Variants in PDE11A observed in about 807,000 individuals in gnomAD.
PDE11A encodes the protein phosphodiesterase 11A.
A neutral mutation model predicts 100.5 loss-of-function variants in PDE11A; 100 were observed. That is an observed-to-expected ratio of 1.00 (90% CI 0.85 to 1.18). The LOEUF (loss-of-function observed/expected upper bound fraction) is 1.18. PDE11A is among the 50% of genes most tolerant of loss of function. The probability of loss-of-function intolerance (pLI) is 0.00; values close to 1 mark genes in which losing one functional copy is unlikely to be tolerated. For missense variants in PDE11A, 1,141 were observed against 1,152.6 expected (o/e 0.99, Z 0.15); for synonymous variants, 381 against 420.8 (o/e 0.91, Z 1.16).
At chr2:177,978,956 T>C (rs868447080) in intron 2 of PDE11A, among the ~76,000 whole-genome samples, 4 of 125,442 alleles carry the variant, frequency 3.2e-5, no homozygotes, top group Non-Finnish European at 5.2e-5. Flanking sequence ...AGGGATAGCA[T>C]TGGGAGATAT....
At chr2:177,950,600 G>GT (rs2085494197) in intron 2 of PDE11A, among the ~76,000 whole-genome samples, 1 of 152,214 alleles carries the variant, frequency 6.6e-6, no homozygotes, top group South Asian at 2.1e-4. Context: ...GATATGGGGA[G>GT]TTGTGACATC....
chr2:177,843,842 A>G (rs1483371551), intron 5 of PDE11A, among the ~76,000 whole-genome samples: 1 of 152,220 alleles, frequency 6.6e-6, no homozygotes, highest in Non-Finnish European at 1.5e-5. Flanking sequence ...AGATGTGTTG[A>G]TAAGTTACCA....
At chr2:177,967,200 CTTT>C (rs34293348) in intron 2 of PDE11A, among the ~76,000 whole-genome samples, 20 of 106,194 alleles carry the variant, frequency 1.9e-4, no homozygotes, top group Admixed American at 3.8e-4. Context: ...TCTCCTTTGT[CTTT>C]TTTTTTTTTT....
intron 5 of PDE11A, among the ~76,000 whole-genome samples, chr2:177,873,745 G>C (rs2084184195): frequency 1.3e-5 from 2 of 152,104 alleles, no homozygotes; most frequent in African/African-American, 4.8e-5. Context: ...TTTTAAGAAT[G>C]TCCTGTAAAT....
At chr2:177,820,482 G>T (rs2083121071) in intron 6 of PDE11A, among the ~76,000 whole-genome samples, 187 bp from the exon 7 acceptor site, 1 of 151,644 alleles carries the variant, frequency 6.6e-6, no homozygotes, top group East Asian at 1.9e-4. Context: ...CATCCTAAAG[G>T]AATCAAACCC....
At chr2:177,945,439 C>T (rs1363278158) in intron 2 of PDE11A, among the ~76,000 whole-genome samples, 3 of 139,668 alleles carry the variant, frequency 2.1e-5, no homozygotes, top group Non-Finnish European at 3.2e-5. Context: ...GGCCGCCCAT[C>T]GTCTGAGATG....
intron 15 of PDE11A, among the ~76,000 whole-genome samples, chr2:177,690,288 G>A (rs2081023771): frequency 6.6e-6 from 1 of 152,244 alleles, no homozygotes; most frequent in East Asian, 1.9e-4. Context: ...ATATAATAAT[G>A]TTTGGGATAG....
rs1559071227 is a variant in PDE11A, at chr2:178,098,597, G to C, written c.162+5705C>G. On this transcript the variant is annotated intron_variant, in intron 2 of 20. Transcript: ENST00000358450. ...TGTAGAGGCACATGGATATTCTTTA[G>C]AGTATAAATATGACTATCAAAATTG... is the stretch of plus-strand genomic sequence containing the variant. Among the ~76,000 whole-genome samples, 3 of 152,150 alleles carry C rather than the reference G, an allele frequency of 2.0e-5. 1 individual carries two copies. Among genetic ancestry groups the C allele is most frequent in the Non-Finnish European group, 4.4e-5 (3 of 68,020 alleles).
At chr2:178,049,251 A>T (rs146104024) in intron 1 of PDE11A, among the ~76,000 whole-genome samples, 1 of 152,208 alleles carries the variant, frequency 6.6e-6, no homozygotes, top group Non-Finnish European at 1.5e-5. Context: ...CAGATTTGAG[A>T]TGGTTTTACA....
At chr2:177,765,998 A>G (rs1388599782) in intron 10 of PDE11A, among the ~76,000 whole-genome samples, 2 of 152,082 alleles carry the variant, frequency 1.3e-5, no homozygotes, top group Non-Finnish European at 2.9e-5. Context: ...TTCTTCCCAA[A>G]CTCTGGCTTA....
chr2:177,724,350 A>G (rs1012441590), intron 12 of PDE11A, among the ~76,000 whole-genome samples: 13 of 152,042 alleles, frequency 8.6e-5, no homozygotes, highest in Non-Finnish European at 1.5e-4. Flanking sequence ...TAAAGGAACA[A>G]AACCGCTTTG....
chr2:178,093,301 T>C (rs187642555), intron 2 of PDE11A, among the ~76,000 whole-genome samples: 2 of 152,306 alleles, frequency 1.3e-5, no homozygotes, highest in East Asian at 1.9e-4. Context: ...TTAGAGATCA[T>C]GCAATCCAAT....
chr2:178,087,427 T>C (rs568420459), intron 2 of PDE11A, among the ~76,000 whole-genome samples: 107 of 151,968 alleles, frequency 7.0e-4, no homozygotes, highest in Non-Finnish European at 1.3e-3. Context: ...AATCATATCT[T>C]GTGCAGCAAC....
intron 4 of PDE11A, among the ~76,000 whole-genome samples, chr2:177,885,330 G>T (rs2084413565): frequency 6.6e-6 from 1 of 151,940 alleles, no homozygotes; most frequent in Non-Finnish European, 1.5e-5. Flanking sequence ...CAGCATTCAG[G>T]GCAATGTGAA....
At chr2:177,819,868 T>TCTCTCTCTCTC (rs60332687) in intron 7 of PDE11A, among the ~76,000 whole-genome samples, 29 of 139,094 alleles carry the variant, frequency 2.1e-4, no homozygotes, top group African/African-American at 7.8e-4. Context: ...CTTTCTCTCT[T>TCTCTCTCTCTC]TCTCTCTCTC....
At chr2:177,940,410 A>G (rs1002836389) in intron 2 of PDE11A, among the ~76,000 whole-genome samples, 1 of 152,182 alleles carries the variant, frequency 6.6e-6, no homozygotes, top group Non-Finnish European at 1.5e-5. Flanking sequence ...AGTACATGAA[A>G]TGATAATCAG....
chr2:177,861,001 G>C (rs1225627775), intron 5 of PDE11A, among the ~76,000 whole-genome samples: 1 of 151,766 alleles, frequency 6.6e-6, no homozygotes, highest in Non-Finnish European at 1.5e-5. Flanking sequence ...GTAAAAGACT[G>C]AATGTTTTAC....
intron 2 of PDE11A, among the ~76,000 whole-genome samples, chr2:177,924,305 C>T (rs1217328830): frequency 1.3e-5 from 2 of 152,142 alleles, no homozygotes; most frequent in Non-Finnish European, 2.9e-5. Context: ...AGAGCCTGAC[C>T]TAAGCTGACA....
chr2:177,626,443 G>A lies in PDE11A; in HGVS notation c.*2964C>T, dbSNP rs1281219339. On this transcript the variant is annotated 3_prime_UTR_variant, in exon 20 of 20. Transcript: ENST00000286063. ...CCCGTTCGTGATATAAACATGATGT[G>A]GCACATTACCCAGAAACACCTGCAG... 1.3e-5 allele frequency: 2 copies of A among 152,552 alleles called. No individual in the cohort carries two copies. Among genetic ancestry groups the A allele is most frequent in the East Asian group, 3.9e-4 (2 of 5,190 alleles). 9.4% of individuals were successfully genotyped at this position (152,552 alleles called of 1,614,324 possible).
Sources: gnomAD v4.1 joint callset for allele counts (sites outside exome capture counted in the v4.1 genomes callset) on GRCh38, gnomAD v4.1.1 for gene constraint, MANE v1.5 for transcripts, NCBI Gene and HGNC (gene_info 2026-07-23, HGNC 2026-07-21) for gene names.